The following ST8SIA1 variants were observed in gnomAD, a reference collection of about 807,000 sequenced individuals.
The protein encoded by ST8SIA1 is alpha-N-acetylneuraminide alpha-2,8-sialyltransferase.
Under a neutral mutation model 35.9 loss-of-function variants are expected in ST8SIA1, and 16 were observed. That is an observed-to-expected ratio of 0.45 (90% confidence interval 0.30 to 0.68). ST8SIA1 has a LOEUF of 0.68. ST8SIA1 is among the 30% of genes least tolerant of loss of function. The pLI, the probability that ST8SIA1 is intolerant of heterozygous loss-of-function variation, is 0.09. For synonymous variants in ST8SIA1, 170 were observed against 169.6 expected, an observed-to-expected ratio of 1.00 and a Z score of -0.02; for missense variants, 383 against 453.6, an observed-to-expected ratio of 0.84 and a Z score of 1.41.
At chr12:22,255,531 A>C in intron 2 of ST8SIA1, 142 bp from the exon 3 acceptor site, 1 of 757,054 alleles carries the variant, frequency 1.3e-6, no homozygotes, top group Non-Finnish European at 2.2e-6. Flanking sequence ...AAAGATGCCA[A>C]GAAGTTTGTA....
intron 4 of ST8SIA1, among the ~76,000 whole-genome samples, chr12:22,241,209 A>G (rs1292049640): frequency 6.6e-6 from 1 of 152,126 alleles, no homozygotes; most frequent in African/African-American, 2.4e-5. Flanking sequence ...TCAGAAGGTA[A>G]TATGTTTTGT....
At position 22,255,354 on chromosome 12, in the gene ST8SIA1, C is replaced by T. The variant is rs1865717835; in HGVS notation, c.417G>A (p.Ala139=). The T allele has an allele frequency of 3.1e-6, 5 of 1,614,166 alleles. No individual in the cohort carries two copies. Among genetic ancestry groups the T allele is most frequent in the Non-Finnish European group, 3.4e-6 (4 of 1,180,020 alleles). The change falls in exon 3 of 5, where the codon GCG becomes GCA. Residue 139 remains alanine, a synonymous_variant. Coordinates refer to ENST00000396037, the MANE Select transcript of ST8SIA1 (RefSeq NM_003034.4). ...TPFQLPLKKC[A]VVGNGGILKK... is the part of the protein sequence containing the mutation. ...TCAGAATCCCACCATTTCCCACCAC[C>T]GCGCATTTCTTCAATGGCAGCTGGA...
chr12:22,282,213 C>T (rs1479344304), intron 2 of ST8SIA1, among the ~76,000 whole-genome samples: 2 of 152,128 alleles, frequency 1.3e-5, no homozygotes, highest in Admixed American at 1.3e-4. Context: ...CCAGGTTTCA[C>T]ATCCCAGCCC....
intron 2 of ST8SIA1, among the ~76,000 whole-genome samples, chr12:22,264,760 G>A (rs888007301): frequency 5.9e-5 from 9 of 152,018 alleles, no homozygotes; most frequent in African/African-American, 1.7e-4. Flanking sequence ...ACCACTCAAG[G>A]ACTTTTAACT....
intron 3 of ST8SIA1, among the ~76,000 whole-genome samples, chr12:22,254,775 G>A (rs1214862266): frequency 2.0e-5 from 3 of 151,982 alleles, no homozygotes; most frequent in South Asian, 2.1e-4. Context: ...GCGTCCCCTC[G>A]TTTGAAATTT....
In ST8SIA1 at chr12:22,314,366, C is replaced by T. The variant is rs539624970; in HGVS notation, c.236+19631G>A. 1.3e-4 allele frequency among the ~76,000 whole-genome samples: 19 copies of T among 151,186 alleles called. No individual in the cohort carries two copies. The South Asian group carries it at 1.7e-3, about 13-fold the overall frequency. ...ACACAGTGTTTAACCTCCTCCTCAACGTATGCCATCATGGTGATAGCTTTA... is the reference window on the plus strand; with the variant it reads ...ACACAGTGTTTAACCTCCTCCTCAATGTATGCCATCATGGTGATAGCTTTA... On this transcript the variant is annotated intron_variant, in intron 1 of 4. Transcript: ENST00000396037.
intron 2 of ST8SIA1, among the ~76,000 whole-genome samples, chr12:22,280,728 T>C (rs1866022948): frequency 6.6e-6 from 1 of 152,232 alleles, no homozygotes; most frequent in Non-Finnish European, 1.5e-5. Flanking sequence ...AGCAACTCCA[T>C]TGCACTACCT....
At position 22,334,221 on chromosome 12, in the gene ST8SIA1, G is replaced by A. The variant is rs1157348773; in HGVS notation, c.12C>T (p.Cys4=). 12 of 1,611,626 alleles carry A rather than the reference G, an allele frequency of 7.4e-6. No homozygotes were observed. The highest frequency in any genetic ancestry group is 1.7e-5 in the Admixed American group (1 of 59,932). Residue 4 remains cysteine, a synonymous_variant, in exon 1 of 5, where the codon TGC becomes TGT. Coordinates refer to ENST00000396037, the MANE Select transcript of ST8SIA1 (RefSeq NM_003034.4). The stretch of plus-strand genomic sequence containing the variant: ...TGGACGTTTGTCGCCGGGCCCGCCC[G>A]CAGGGGCTCATCGCAGCCCCGGCGT... The part of the protein sequence containing the change: MSP[C]GRARRQTSRG...
intron 2 of ST8SIA1, among the ~76,000 whole-genome samples, chr12:22,273,638 A>T (rs1022334244): frequency 1.1e-4 from 16 of 151,942 alleles, no homozygotes; most frequent in African/African-American, 3.9e-4. Flanking sequence ...TTTCCCCTCC[A>T]CTCTCTATTA....
At chr12:22,327,568 C>A (rs1003389048) in intron 1 of ST8SIA1, among the ~76,000 whole-genome samples, 1 of 152,176 alleles carries the variant, frequency 6.6e-6, no homozygotes, top group African/African-American at 2.4e-5. Flanking sequence ...CCCATTAACA[C>A]CCTGCCTCAC....
chr12:22,198,427 T>C lies in ST8SIA1; in HGVS notation c.*3125A>G, dbSNP rs939229017. The C allele has an allele frequency of 2.0e-5, 3 of 151,842 alleles. No homozygotes were observed. The highest frequency in any genetic ancestry group is 4.8e-5 in the African/African-American group (2 of 41,328). The allele number at this position is 151,842 out of a possible 1,614,324, so 9.4% of individuals were successfully genotyped here. On this transcript the variant is annotated 3_prime_UTR_variant, in exon 5 of 5. Transcript: ENST00000396037. ...AGCTTAGAATTGAAGATCTTAATAA[T>C]AGAGTATTCCAGAGCACTCTACAGG...
At chr12:22,329,957 T>C (rs1866738406) in intron 1 of ST8SIA1, among the ~76,000 whole-genome samples, 1 of 152,190 alleles carries the variant, frequency 6.6e-6, no homozygotes, top group Non-Finnish European at 1.5e-5. Context: ...TGTTTGTCCA[T>C]TTCTAATGAG....
chr12:22,218,199 C>T (rs1273962296), intron 4 of ST8SIA1, among the ~76,000 whole-genome samples: 3 of 151,940 alleles, frequency 2.0e-5, no homozygotes, highest in Non-Finnish European at 4.4e-5. Context: ...TGGTGGGTGC[C>T]TGTAATCCCA....
At chr12:22,319,078 T>G (rs1446974843) in intron 1 of ST8SIA1, among the ~76,000 whole-genome samples, 1 of 152,230 alleles carries the variant, frequency 6.6e-6, no homozygotes, top group African/African-American at 2.4e-5. Flanking sequence ...CTAACTGCCC[T>G]TAGGTAAATA....
chr12:22,324,621 CA>C (rs1866650605), intron 1 of ST8SIA1: 1 of 151,916 alleles, frequency 6.6e-6, no homozygotes, highest in African/African-American at 2.4e-5. Context: ...GAATATAAAC[CA>C]AAATATTAGC....
At chr12:22,293,697 A>G (rs1866208878) in intron 1 of ST8SIA1, among the ~76,000 whole-genome samples, 1 of 152,218 alleles carries the variant, frequency 6.6e-6, no homozygotes, top group South Asian at 2.1e-4. Context: ...TAATAGTTAG[A>G]GACAATACAA....
intron 2 of ST8SIA1, among the ~76,000 whole-genome samples, chr12:22,278,802 C>G (rs1026353055): frequency 3.3e-5 from 5 of 152,046 alleles, no homozygotes; most frequent in Non-Finnish European, 4.4e-5. Context: ...GAAAAAAAAC[C>G]TATGCATAAT....
chr12:22,320,810 C>A (rs1188155954), intron 1 of ST8SIA1, among the ~76,000 whole-genome samples: 1 of 134,600 alleles, frequency 7.4e-6, no homozygotes, highest in Non-Finnish European at 1.5e-5. Flanking sequence ...AGCCTGGGTG[C>A]AGAGAAAGAC....
chr12:22,203,067 T>G (rs949527304), intron 4 of ST8SIA1, among the ~76,000 whole-genome samples: 6 of 152,144 alleles, frequency 3.9e-5, no homozygotes, highest in African/African-American at 1.4e-4. Flanking sequence ...CTTACAGCAC[T>G]TATGGCAACT....
Sources: gnomAD v4.1 joint callset for allele counts (sites outside exome capture counted in the v4.1 genomes callset) on GRCh38, gnomAD v4.1.1 for gene constraint, MANE v1.5 for transcripts, NCBI Gene and HGNC (gene_info 2026-07-23, HGNC 2026-07-21) for gene names.